The following MGAT4C variants were observed in gnomAD, a reference collection of about 807,000 sequenced individuals.
MGAT4C encodes MGAT4 family member C.
A neutral mutation model predicts 40.1 loss-of-function variants in MGAT4C; 19 were observed. The observed-to-expected ratio is 0.47, with a 90% CI of 0.33 to 0.70. MGAT4C has a LOEUF of 0.70. Ranked by LOEUF, MGAT4C falls within the 30% of genes least tolerant of loss-of-function variation. The pLI is 0.02. For missense variants in MGAT4C, 491 were observed against 563.2 expected, an observed-to-expected ratio of 0.87 and a Z score of 1.30; for synonymous variants, 181 against 187.1, an observed-to-expected ratio of 0.97 and a Z score of 0.27.
At position 86,050,193 on chromosome 12, in the gene MGAT4C, A is replaced by AT. The variant is rs1363838107; in HGVS notation, c.-56-471dup. Among the ~76,000 whole-genome samples the AT allele has an allele frequency of 3.7e-4, 56 of 152,056 alleles. 1 individual carries two copies. The East Asian group carries it at 0.011, about 29-fold the overall frequency. ...TGTTACACATTTATCCATGTTATTGATTTTTCCATCACATATAAAAGGTTA... is the reference window on the plus strand; with the variant it reads ...TGTTACACATTTATCCATGTTATTGATTTTTTCCATCACATATAAAAGGTTA... On this transcript the variant is annotated intron_variant, in intron 1 of 4. Transcript: ENST00000611864.
At chr12:86,550,040 C>T (rs1259480520) in intron 2 of MGAT4C, among the ~76,000 whole-genome samples, 1 of 152,106 alleles carries the variant, frequency 6.6e-6, no homozygotes, top group Non-Finnish European at 1.5e-5. Flanking sequence ...GCAGTTTCCC[C>T]CAAGCTGTTT....
intron 2 of MGAT4C, among the ~76,000 whole-genome samples, chr12:86,482,427 G>T (rs1957953331): frequency 6.6e-6 from 1 of 151,868 alleles, no homozygotes; most frequent in African/African-American, 2.4e-5. Context: ...TGAAAAAGTT[G>T]ACACATTTTT....
chr12:86,798,201 G>A (rs1434596133), intron 1 of MGAT4C, among the ~76,000 whole-genome samples: 3 of 151,852 alleles, frequency 2.0e-5, no homozygotes, highest in East Asian at 1.9e-4. Context: ...CCTTGTTCAC[G>A]TTATGATCAA....
intron 2 of MGAT4C, among the ~76,000 whole-genome samples, chr12:86,590,896 T>C (rs996779044): frequency 7.2e-5 from 11 of 152,030 alleles, no homozygotes; most frequent in Admixed American, 5.9e-4. Flanking sequence ...AAATGATTTA[T>C]TCCTGAAATG....
At chr12:86,209,473 A>G (rs966202518) in intron 1 of MGAT4C, among the ~76,000 whole-genome samples, 3 of 152,172 alleles carry the variant, frequency 2.0e-5, no homozygotes, top group South Asian at 4.1e-4. Flanking sequence ...TTATCTTTCA[A>G]TATGATTCTT....
At chr12:86,516,171 G>C (rs1182137152) in intron 2 of MGAT4C, among the ~76,000 whole-genome samples, 1 of 151,908 alleles carries the variant, frequency 6.6e-6, no homozygotes, top group Non-Finnish European at 1.5e-5. Context: ...GAAAATAAAA[G>C]ATAGAAAAAT....
chr12:86,717,586 G>A (rs148903886), intron 2 of MGAT4C, among the ~76,000 whole-genome samples: 94 of 152,198 alleles, frequency 6.2e-4, no homozygotes, highest in African/African-American at 2.1e-3. Flanking sequence ...GCTAAGTTGT[G>A]AGGTTTTCTG....
chr12:86,639,934 C>A (rs772590939), intron 2 of MGAT4C, among the ~76,000 whole-genome samples: 1 of 151,592 alleles, frequency 6.6e-6, no homozygotes, highest in Non-Finnish European at 1.5e-5. Flanking sequence ...TAGTAACAGG[C>A]CCAATCAGAT....
At chr12:86,623,298 T>A (rs1962695914) in intron 2 of MGAT4C, among the ~76,000 whole-genome samples, 1 of 152,148 alleles carries the variant, frequency 6.6e-6, no homozygotes, top group Admixed American at 6.6e-5. Context: ...GCAATGTCTT[T>A]GTTTAGGAAA....
Position 86,786,407 on chromosome 12 carries a change from T to C in MGAT4C, c.-262+52259A>G, listed in dbSNP as rs559999831. On this transcript the variant is annotated intron_variant, in intron 1 of 7. Coordinates refer to the MGAT4C transcript ENST00000548651. ...AAGATAAGTATATATTAACCAATGATGTCAGTAAAATATTTTTTCTTTTTT... is the reference window on the plus strand; with the variant it reads ...AAGATAAGTATATATTAACCAATGACGTCAGTAAAATATTTTTTCTTTTTT... Among the ~76,000 whole-genome samples the C allele has an allele frequency of 6.0e-4, 92 of 152,188 alleles. 1 individual carries two copies. The highest frequency in any genetic ancestry group is 2.2e-3 in the African/African-American group (91 of 41,550).
intron 2 of MGAT4C, among the ~76,000 whole-genome samples, chr12:86,717,278 T>C (rs1565945353): frequency 6.6e-6 from 1 of 151,880 alleles, no homozygotes; most frequent in South Asian, 2.1e-4. Flanking sequence ...TATAAGAATA[T>C]AAATTCAATA....
rs1472355772 is a variant in MGAT4C at position 86,408,471 on chromosome 12, CTCTCTCTCTA to C, written c.-120+26676_-120+26685del. On this transcript the variant is annotated intron_variant, in intron 3 of 7. Transcript: ENST00000548651. ...AAACTCTCTCTCTCTCTCTCTCTCT[CTCTCTCTCTA>C]TATATATATATATATATATATATAT... Among the ~76,000 whole-genome samples the C allele has an allele frequency of 1.6e-4, 17 of 109,430 alleles. No homozygotes were observed. In the East Asian group the frequency reaches 1.7e-3, roughly 11 times the overall value. The allele number at this position is 109,430 out of a possible 152,430, so 71.8% of individuals were successfully genotyped here.
chr12:86,517,841 G>C (rs747360381), intron 2 of MGAT4C, among the ~76,000 whole-genome samples: 3 of 152,090 alleles, frequency 2.0e-5, no homozygotes, highest in Non-Finnish European at 4.4e-5. Context: ...AGTAGTAACG[G>C]GGTTTCACCG....
rs191444702 is a variant in MGAT4C at position 86,356,495 on chromosome 12, C to T, written c.-119-22368G>A. ...CTTGTTGGACACTGGGTGCAGCGCACGGAGCATGAGACAAAGCAGGGCAGG... is the reference window on the plus strand; with the variant it reads ...CTTGTTGGACACTGGGTGCAGCGCATGGAGCATGAGACAAAGCAGGGCAGG... On this transcript the variant is annotated intron_variant, in intron 3 of 7. Coordinates refer to the MGAT4C transcript ENST00000548651. Among the ~76,000 whole-genome samples the T allele has an allele frequency of 2.6e-4, 40 of 152,162 alleles. No individual in the cohort carries two copies. The East Asian group carries it at 3.3e-3, about 13-fold the overall frequency.
chr12:86,778,300 A>G (rs1480844788), intron 1 of MGAT4C, among the ~76,000 whole-genome samples: 2 of 152,196 alleles, frequency 1.3e-5, no homozygotes, highest in African/African-American at 4.8e-5. Context: ...CAAAAAAGGG[A>G]GAATAAGCTG....
intron 1 of MGAT4C, among the ~76,000 whole-genome samples, chr12:86,142,936 A>T (rs1035863841): frequency 3.3e-5 from 5 of 152,110 alleles, no homozygotes; most frequent in African/African-American, 9.7e-5. Flanking sequence ...CAAAAGGATT[A>T]ATGTCCCCTT....
At chr12:86,221,673 A>G (rs959756788) in intron 1 of MGAT4C, among the ~76,000 whole-genome samples, 10 of 152,192 alleles carry the variant, frequency 6.6e-5, no homozygotes, top group Admixed American at 2.6e-4. Context: ...GCTTCAGCCA[A>G]TTACAGGCTG....
intron 1 of MGAT4C, among the ~76,000 whole-genome samples, chr12:86,745,422 C>T (rs1951137966): frequency 6.6e-6 from 1 of 151,620 alleles, no homozygotes; most frequent in South Asian, 2.1e-4. Context: ...AGAAGATATG[C>T]ACATACTTCT....
At position 85,970,800 on chromosome 12, in the gene MGAT4C, A is replaced by G. The variant is rs1592577694; in HGVS notation, c.*8489T>C. The stretch of plus-strand genomic sequence containing the variant: ...TATACAGCAAGATAATAAATTCACT[A>G]ATGTGAAATGTTGATATAGTATGTA... On this transcript the variant is annotated 3_prime_UTR_variant, in exon 5 of 5. Transcript: ENST00000611864. The G allele has an allele frequency of 6.6e-6, 1 of 151,394 alleles. No individual in the cohort carries two copies. The highest frequency in any genetic ancestry group is 1.9e-4 in the East Asian group (1 of 5,184). 9.4% of individuals were successfully genotyped at this position (151,394 alleles called of 1,614,324 possible). A position where few individuals can be genotyped will look rare whatever the true frequency, so the allele number is the denominator to read the frequency against.
Sources: gnomAD v4.1 joint callset for allele counts (sites outside exome capture counted in the v4.1 genomes callset) on GRCh38, gnomAD v4.1.1 for gene constraint, MANE v1.5 for transcripts, NCBI Gene and HGNC (gene_info 2026-07-23, HGNC 2026-07-21) for gene names.